CEP128: variants seen among roughly 807,000 people sequenced by gnomAD.
CEP128 encodes the protein centrosomal protein 128.
A neutral mutation model predicts 156.7 loss-of-function variants in CEP128; 132 were observed. That is an observed-to-expected ratio of 0.84 (90% CI 0.73 to 0.97). CEP128 has a LOEUF of 0.97. CEP128 is among the 50% of genes least tolerant of loss of function. CEP128 has a pLI of 0.00. For synonymous variants in CEP128, 469 were observed against 448.9 expected (o/e 1.04, Z -0.57); for missense variants, 1,252 against 1,281.9 (o/e 0.98, Z 0.36).
chr14:80,617,478 G>A (rs572963661), intron 19 of CEP128, among the ~76,000 whole-genome samples: 250 of 151,992 alleles, frequency 1.6e-3, no homozygotes, highest in Non-Finnish European at 2.8e-3. Context: ...CTCATGATCC[G>A]CCGGCCTCGG....
At chr14:80,672,821 C>A (rs1439451225) in intron 19 of CEP128, among the ~76,000 whole-genome samples, 1 of 151,970 alleles carries the variant, frequency 6.6e-6, no homozygotes, top group Non-Finnish European at 1.5e-5. Flanking sequence ...AATATATTTA[C>A]ATAAAAAATA....
At chr14:80,699,805 T>C (rs1897011706) in intron 19 of CEP128, among the ~76,000 whole-genome samples, 1 of 152,176 alleles carries the variant, frequency 6.6e-6, no homozygotes, top group Admixed American at 6.5e-5. Context: ...GACTGGACTT[T>C]CAAATTTTCT....
intron 20 of CEP128, among the ~76,000 whole-genome samples, chr14:80,563,310 A>G (rs943802456): frequency 6.6e-6 from 1 of 151,846 alleles, no homozygotes; most frequent in African/African-American, 2.4e-5. Flanking sequence ...AGGGAAGACC[A>G]CTCCCAGGAA....
intron 8 of CEP128, among the ~76,000 whole-genome samples, chr14:80,884,829 G>A (rs1370852185): frequency 6.6e-6 from 1 of 152,124 alleles, no homozygotes; most frequent in African/African-American, 2.4e-5. Context: ...TCCCTTAAAA[G>A]GGGGCTGAAG....
At chr14:80,689,139 TC>T (rs1348669182) in intron 19 of CEP128, among the ~76,000 whole-genome samples, 1 of 151,640 alleles carries the variant, frequency 6.6e-6, no homozygotes, top group Non-Finnish European at 1.5e-5. Context: ...TCACTTGAGA[TC>T]AGGAATTCAA....
intron 19 of CEP128, among the ~76,000 whole-genome samples, chr14:80,621,471 G>T (rs1394645700): frequency 6.6e-6 from 1 of 152,146 alleles, no homozygotes; most frequent in South Asian, 2.1e-4. Flanking sequence ...AATTGTATCA[G>T]TGGTTCAAAA....
intron 21 of CEP128, among the ~76,000 whole-genome samples, chr14:80,553,260 A>G (rs1035708270): frequency 2.0e-5 from 3 of 152,030 alleles, no homozygotes; most frequent in Admixed American, 2.0e-4. Context: ...CCCAACCGAC[A>G]TGCCCTAGTG....
rs372922569 is a variant in CEP128, at chr14:80,778,057, G to C, written c.2212-11C>G. On this transcript the variant is annotated splice_polypyrimidine_tract_variant and intron_variant, in intron 15 of 24. Transcript: ENST00000555265. ...TTCTAAACTTTCAGCCTGAGAAAAAGAGAAGGAAAAAACAGAAAGTCCACT... is the reference window on the plus strand; with the variant it reads ...TTCTAAACTTTCAGCCTGAGAAAAACAGAAGGAAAAAACAGAAAGTCCACT... The C allele has an allele frequency of 1.2e-6, 2 of 1,607,116 alleles. No homozygotes were observed. Among genetic ancestry groups the C allele is most frequent in the Admixed American group, 3.4e-5 (2 of 58,818 alleles).
intron 19 of CEP128, among the ~76,000 whole-genome samples, chr14:80,655,771 A>G (rs1895105671): frequency 1.3e-5 from 2 of 152,184 alleles, no homozygotes; most frequent in Admixed American, 1.3e-4. Context: ...ACTTGGGAGG[A>G]ATCTGTCTGA....
intron 2 of CEP128, among the ~76,000 whole-genome samples, chr14:80,926,889 C>T (rs1885180658): frequency 6.6e-6 from 1 of 152,236 alleles, no homozygotes; most frequent in Non-Finnish European, 1.5e-5. Context: ...ATTACTACTA[C>T]AGCTGGCATT....
chr14:80,626,352 T>C (rs1007486848), intron 19 of CEP128, among the ~76,000 whole-genome samples: 35 of 150,860 alleles, frequency 2.3e-4, no homozygotes, highest in African/African-American at 8.5e-4. Flanking sequence ...TAGTCCCAGC[T>C]ACTCGGGAGG....
intron 23 of CEP128, among the ~76,000 whole-genome samples, chr14:80,517,645 G>C (rs1888549814): frequency 6.6e-6 from 1 of 151,952 alleles, no homozygotes; most frequent in Non-Finnish European, 1.5e-5. Context: ...TGTTACTGGG[G>C]GTCCTTGTTC....
intron 21 of CEP128, among the ~76,000 whole-genome samples, chr14:80,533,898 C>T (rs541102242): frequency 6.6e-6 from 1 of 152,200 alleles, no homozygotes; most frequent in African/African-American, 2.4e-5. Context: ...AGATGGCATA[C>T]GTCCTGTTCT....
At chr14:80,705,080 A>G (rs1897195665) in intron 19 of CEP128, among the ~76,000 whole-genome samples, 1 of 151,762 alleles carries the variant, frequency 6.6e-6, no homozygotes, top group African/African-American at 2.4e-5. Context: ...AAACATAACT[A>G]TAATGCCTTT....
intron 15 of CEP128, among the ~76,000 whole-genome samples, chr14:80,780,002 T>C (rs1231038267): frequency 6.6e-6 from 1 of 152,168 alleles, no homozygotes; most frequent in Non-Finnish European, 1.5e-5. Context: ...CTCTACAAAA[T>C]GATTTTGTTG....
chr14:80,856,302 T>C (rs1887152575), intron 9 of CEP128, among the ~76,000 whole-genome samples: 2 of 152,118 alleles, frequency 1.3e-5, no homozygotes, highest in African/African-American at 4.8e-5. Flanking sequence ...AAGCATAGAA[T>C]ATTGTTGATA....
At chr14:80,799,631 G>A (rs1261828861) in intron 13 of CEP128, among the ~76,000 whole-genome samples, 1 of 152,032 alleles carries the variant, frequency 6.6e-6, no homozygotes, top group Non-Finnish European at 1.5e-5. Flanking sequence ...TAATACCCTG[G>A]GGAAGGAATG....
In CEP128 at chr14:80,563,236, C is replaced by G. The variant is rs143579547; in HGVS notation, c.2857-3934G>C. Among the ~76,000 whole-genome samples, 26 of 152,102 alleles carry G rather than the reference C, an allele frequency of 1.7e-4. No individual in the cohort carries two copies. In the East Asian group the frequency reaches 5.1e-3, roughly 30 times the overall value. ...CTCAACACACTCGCAGGGCTTAATC[C>G]TGAAAAGAAAAGTAAGCATTGCTAG... is the stretch of plus-strand genomic sequence containing the variant. On this transcript the variant is annotated intron_variant, in intron 20 of 24. Transcript: ENST00000555265.
rs1320821439 is a variant in CEP128 at position 80,532,203 on chromosome 14, T to TA, written c.2881-1318_2881-1317insT. 6.8e-4 allele frequency among the ~76,000 whole-genome samples: 103 copies of TA among 151,138 alleles called. 1 individual carries two copies. The highest frequency in any genetic ancestry group is 2.5e-3 in the East Asian group (13 of 5,132). On this transcript the variant is annotated intron_variant, in intron 21 of 24. Coordinates refer to ENST00000555265, the MANE Select transcript of CEP128 (RefSeq NM_152446.5). ...CAATTATGAGTATATATATATATAT[T>TA]TTTTTTCTGAGACAGGGTCTCGCTC...
Sources: allele counts gnomAD v4.1 joint callset (sites outside exome capture counted in the v4.1 genomes callset), GRCh38; gene constraint gnomAD v4.1.1; transcripts MANE v1.5; gene names NCBI Gene and HGNC (gene_info 2026-07-23, HGNC 2026-07-21).